Variants in ADK observed in about 807,000 individuals in gnomAD.
ADK encodes N6,N6-dimethyladenosine kinase.
Under a neutral mutation model 44.7 loss-of-function variants are expected in ADK, and 24 were observed. That is an observed-to-expected ratio of 0.54 (90% CI 0.39 to 0.76). The LOEUF is 0.76. ADK is among the 30% of genes least tolerant of loss of function. The probability of loss-of-function intolerance (pLI) is 0.00; values close to 1 mark genes in which losing one functional copy is unlikely to be tolerated. For synonymous variants in ADK, 128 were observed against 142.6 expected (o/e 0.90, Z 0.73); for missense variants, 321 against 425.1 (o/e 0.76, Z 2.15).
At chr10:74,706,502 T>C (rs1039439387) in intron 10 of ADK, among the ~76,000 whole-genome samples, 1 of 152,152 alleles carries the variant, frequency 6.6e-6, no homozygotes, top group Non-Finnish European at 1.5e-5. Context: ...TTTGTTAAAG[T>C]GTCCTTTCTT....
chr10:74,290,237 A>C (rs1847358707), intron 3 of ADK, among the ~76,000 whole-genome samples: 1 of 151,906 alleles, frequency 6.6e-6, no homozygotes, highest in African/African-American at 2.4e-5. Flanking sequence ...CTGCTTCTTT[A>C]TACTCTTCCT....
intron 6 of ADK, among the ~76,000 whole-genome samples, chr10:74,491,640 G>C (rs1181252633): frequency 6.6e-6 from 1 of 152,182 alleles, no homozygotes; most frequent in African/African-American, 2.4e-5. Flanking sequence ...ATAGAGAGCA[G>C]CTAAATTTTG....
chr10:74,526,897 G>A (rs1164170114), intron 7 of ADK, among the ~76,000 whole-genome samples: 1 of 152,162 alleles, frequency 6.6e-6, no homozygotes, highest in Non-Finnish European at 1.5e-5. Flanking sequence ...TGCTATTCAA[G>A]CCTTTTGAAT....
At chr10:74,198,555 GTTT>G (rs1295179435) in intron 1 of ADK, among the ~76,000 whole-genome samples, 1 of 152,180 alleles carries the variant, frequency 6.6e-6, no homozygotes, top group African/African-American at 2.4e-5. Context: ...ATGGTAACTG[GTTT>G]GGAGGCAACT....
At chr10:74,253,023 C>T (rs765283341) in intron 3 of ADK, among the ~76,000 whole-genome samples, 18 of 152,154 alleles carry the variant, frequency 1.2e-4, no homozygotes, top group Non-Finnish European at 2.2e-4. Flanking sequence ...TATTACTGTC[C>T]ACTGTGTCTA....
intron 4 of ADK, among the ~76,000 whole-genome samples, chr10:74,341,914 ATATACT>A (rs1841594793): frequency 6.6e-6 from 1 of 152,208 alleles, no homozygotes; most frequent in African/African-American, 2.4e-5. Flanking sequence ...ATAGTAAAAC[ATATACT>A]TAGCACAAAT....
At chr10:74,190,639 AATCAGGTTAAAT>A (rs1842925411) in intron 1 of ADK, among the ~76,000 whole-genome samples, 1 of 152,290 alleles carries the variant, frequency 6.6e-6, no homozygotes, top group South Asian at 2.1e-4. Context: ...GCAAGCTCTG[AATCAGGTTAAAT>A]ATTAGGAAGT....
intron 6 of ADK, among the ~76,000 whole-genome samples, chr10:74,512,652 T>A (rs1257495903): frequency 5.3e-5 from 8 of 151,820 alleles, no homozygotes; most frequent in Non-Finnish European, 1.2e-4. Context: ...ATTTTAATTA[T>A]TTAGATCTTC....
chr10:74,688,857 A>T (rs1855882600), intron 10 of ADK, among the ~76,000 whole-genome samples: 1 of 152,210 alleles, frequency 6.6e-6, no homozygotes, highest in South Asian at 2.1e-4. Context: ...TCAAGGAAAC[A>T]ATGAGCCATA....
At chr10:74,270,436 T>G (rs921247616) in intron 3 of ADK, among the ~76,000 whole-genome samples, 2 of 152,222 alleles carry the variant, frequency 1.3e-5, no homozygotes, top group African/African-American at 4.8e-5. Context: ...AGCTGGATTT[T>G]CATCTGCTTC....
intron 6 of ADK, among the ~76,000 whole-genome samples, chr10:74,399,983 T>A (rs1280196184): frequency 6.6e-6 from 1 of 152,120 alleles, no homozygotes; most frequent in Non-Finnish European, 1.5e-5. Context: ...TTTGGGTGAA[T>A]GGAACTTTTA....
rs183945347 is a variant in ADK, at chr10:74,512,956, G to A, written c.556-12300G>A. Among the ~76,000 whole-genome samples the A allele has an allele frequency of 4.1e-3, 617 of 151,878 alleles. 3 individuals carry two copies. The highest frequency in any genetic ancestry group is 0.014 in the African/African-American group (580 of 41,472). On this transcript the variant is annotated intron_variant, in intron 6 of 10. Transcript: ENST00000539909. ...TGTCCCATAGGTTTTGGTATGTTGT[G>A]TTTCTGTTTTCCTTTGTGTCAAAGA...
intron 6 of ADK, among the ~76,000 whole-genome samples, chr10:74,438,933 C>CT: frequency 6.6e-6 from 1 of 152,302 alleles, no homozygotes; most frequent in East Asian, 1.9e-4. Context: ...TTACGTTAGA[C>CT]TACCTGATAA....
At chr10:74,151,419 C>G in intron 1 of ADK, 76 bp downstream of exon 1, 1 of 1,474,970 alleles carries the variant, frequency 6.8e-7, no homozygotes, top group South Asian at 1.2e-5. Flanking sequence ...TTGCACGGCC[C>G]CGACGCTGGG....
intron 7 of ADK, among the ~76,000 whole-genome samples, chr10:74,563,048 T>A (rs1850519637): frequency 6.6e-6 from 1 of 152,164 alleles, no homozygotes; most frequent in South Asian, 2.1e-4. Flanking sequence ...TTTGAGATTT[T>A]TTTATTTTTA....
intron 6 of ADK, among the ~76,000 whole-genome samples, chr10:74,446,240 C>A (rs1165691551): frequency 6.6e-6 from 1 of 151,944 alleles, no homozygotes; most frequent in African/African-American, 2.4e-5. Context: ...AATTGTGTAA[C>A]CCTTGTTTAA....
At chr10:74,345,630 G>A (rs193142686) in intron 4 of ADK, among the ~76,000 whole-genome samples, 34 of 152,116 alleles carry the variant, frequency 2.2e-4, no homozygotes, top group Admixed American at 1.2e-3. Flanking sequence ...TTTTCCACCC[G>A]TACTTTCAAT....
chr10:74,399,658 T>C (rs953837665), intron 6 of ADK, among the ~76,000 whole-genome samples: 5 of 152,046 alleles, frequency 3.3e-5, no homozygotes, highest in African/African-American at 1.2e-4. Flanking sequence ...ATTGGTCTCA[T>C]GTTCTTTCCA....
At chr10:74,451,312 A>G (rs1209620332) in intron 6 of ADK, among the ~76,000 whole-genome samples, 1 of 152,056 alleles carries the variant, frequency 6.6e-6, no homozygotes, top group Non-Finnish European at 1.5e-5. Flanking sequence ...TTGTTATTTT[A>G]GCCAGTAAAA....
Sources: gnomAD v4.1 joint callset for allele counts (sites outside exome capture counted in the v4.1 genomes callset) on GRCh38, gnomAD v4.1.1 for gene constraint, MANE v1.5 for transcripts, NCBI Gene and HGNC (gene_info 2026-07-23, HGNC 2026-07-21) for gene names.